MAP3K7CL: variants seen among roughly 807,000 people sequenced by gnomAD.
The protein encoded by MAP3K7CL is MAP3K7 C-terminal like, also known as MAP3K7 C-terminal-like protein.
MAP3K7CL carries 16 observed loss-of-function variants against 18.6 expected under a neutral mutation model. That is an observed-to-expected ratio of 0.86 (90% CI 0.58 to 1.31). The LOEUF is 1.31. Ranked by LOEUF, MAP3K7CL falls within the 50% of genes most tolerant of loss-of-function variation. The pLI, the probability that MAP3K7CL is intolerant of heterozygous loss-of-function variation, is 0.00. For synonymous variants in MAP3K7CL, 65 were observed against 66.8 expected (o/e 0.97, Z 0.13); for missense variants, 163 against 174.4 (o/e 0.93, Z 0.37).
At chr21:29,115,878 C>T (rs180740213) in intron 4 of MAP3K7CL, among the ~76,000 whole-genome samples, 2 of 152,342 alleles carry the variant, frequency 1.3e-5, no homozygotes, top group East Asian at 3.9e-4. Flanking sequence ...CTACCTGACA[C>T]ATATGCAGTC....
chr21:29,132,406 G>A (rs552138819), intron 1 of MAP3K7CL, among the ~76,000 whole-genome samples: 1 of 152,230 alleles, frequency 6.6e-6, no homozygotes, highest in East Asian at 1.9e-4. Context: ...GTTAAGATGT[G>A]CATCCTTAGA....
At chr21:29,150,471 C>T (rs1159730223) in intron 3 of MAP3K7CL, among the ~76,000 whole-genome samples, 1 of 152,180 alleles carries the variant, frequency 6.6e-6, no homozygotes. Flanking sequence ...AGCTTTCCAA[C>T]AGAAAGCTGC....
rs554437999 is a variant in MAP3K7CL, at chr21:29,119,471, G to T, written c.370+26890G>T. Among the ~76,000 whole-genome samples the T allele has an allele frequency of 1.2e-3, 185 of 152,202 alleles. 1 individual carries two copies. Among genetic ancestry groups the T allele is most frequent in the Non-Finnish European group, 2.1e-3 (145 of 68,012 alleles). On this transcript the variant is annotated intron_variant, in intron 4 of 6. Transcript: ENST00000286791. ...TCTTGTGGCTTTCAGACCTGCTTCT[G>T]TGAGGTCTGGCACACAGGGTCACTC...
chr21:29,096,793 G>C (rs189946799), intron 4 of MAP3K7CL, among the ~76,000 whole-genome samples: 1 of 152,112 alleles, frequency 6.6e-6, no homozygotes, highest in South Asian at 2.1e-4. Flanking sequence ...GAAATCATCC[G>C]ATCTATCTCT....
chr21:29,140,423 C>T (rs1221985913), intron 2 of MAP3K7CL, among the ~76,000 whole-genome samples: 1 of 152,184 alleles, frequency 6.6e-6, no homozygotes, highest in African/African-American at 2.4e-5. Context: ...GCTGCAACCC[C>T]ACAGGAAGGT....
rs2086761884 is a variant in MAP3K7CL at position 29,130,671 on chromosome 21, A to C, written c.-292A>C. ...CAACATCCTGGCTGTTAGAGAGGCAAGGAAAGGAGAGAGGGGTTGTGAAGG... is the reference window on the plus strand; with the variant it reads ...CAACATCCTGGCTGTTAGAGAGGCACGGAAAGGAGAGAGGGGTTGTGAAGG... On this transcript the variant is annotated 5_prime_UTR_variant, in exon 1 of 5. Coordinates refer to ENST00000399928, the MANE Select transcript of MAP3K7CL (RefSeq NM_001286620.2). 1.3e-5 allele frequency: 13 copies of C among 985,494 alleles called. No homozygotes were observed. Among genetic ancestry groups the C allele is most frequent in the Non-Finnish European group, 1.6e-5 (13 of 829,974 alleles). The allele number at this position is 985,494 out of a possible 1,614,324, so 61.0% of individuals were successfully genotyped here. A position where few individuals can be genotyped will look rare whatever the true frequency, so the allele number is the denominator to read the frequency against.
chr21:29,105,939 C>G (rs933899497), intron 4 of MAP3K7CL, among the ~76,000 whole-genome samples: 1 of 152,106 alleles, frequency 6.6e-6, no homozygotes, highest in African/African-American at 2.4e-5. Context: ...CTGAAGGTAG[C>G]TCTACAAAAT....
At chr21:29,086,117 G>T (rs2085921619) in intron 1 of MAP3K7CL, among the ~76,000 whole-genome samples, 1 of 152,300 alleles carries the variant, frequency 6.6e-6, no homozygotes, top group South Asian at 2.1e-4. Flanking sequence ...TGGGACACCG[G>T]TTCTTTCCCT....
upstream of MAP3K7CL, among the ~76,000 whole-genome samples, chr21:29,126,891 T>A (rs1441922494): frequency 6.6e-6 from 1 of 152,232 alleles, no homozygotes; most frequent in East Asian, 1.9e-4. Context: ...ATATGTCACA[T>A]AGCAATACAG....
intron 4 of MAP3K7CL, among the ~76,000 whole-genome samples, chr21:29,162,844 A>G (rs2471948): frequency 0.87 from 132,038 of 152,142 alleles, 57,519 homozygotes; most frequent in South Asian, 0.92. Context: ...AGAGGCTCAC[A>G]CCTGTAATCC....
intron 4 of MAP3K7CL, among the ~76,000 whole-genome samples, chr21:29,094,123 CA>C (rs2086079108): frequency 6.6e-6 from 1 of 152,152 alleles, no homozygotes; most frequent in Admixed American, 6.5e-5. Context: ...ATTTTTCCCC[CA>C]GGGGATATTT....
chr21:29,145,036 T>C (rs1386037753), intron 2 of MAP3K7CL, among the ~76,000 whole-genome samples: 1 of 152,232 alleles, frequency 6.6e-6, no homozygotes, highest in African/African-American at 2.4e-5. Context: ...CTTCTTTCCT[T>C]TATATTTCAT....
At chr21:29,167,411 G>A (rs1051672976) in intron 4 of MAP3K7CL, among the ~76,000 whole-genome samples, 2 of 152,114 alleles carry the variant, frequency 1.3e-5, no homozygotes, top group East Asian at 3.8e-4. Context: ...TCTCATCTAG[G>A]GGAACATATC....
intron 4 of MAP3K7CL, among the ~76,000 whole-genome samples, chr21:29,166,937 G>T (rs1366445733): frequency 1.3e-5 from 2 of 152,118 alleles, no homozygotes; most frequent in African/African-American, 4.8e-5. Context: ...TAGAATTGTT[G>T]GCTCATATTA....
chr21:29,110,820 AAT>A (rs2086406315), intron 4 of MAP3K7CL, among the ~76,000 whole-genome samples: 1 of 151,956 alleles, frequency 6.6e-6, no homozygotes, highest in Non-Finnish European at 1.5e-5. Context: ...TTGTTCTCTG[AAT>A]GTTTCTTTTA....
intron 4 of MAP3K7CL, among the ~76,000 whole-genome samples, chr21:29,169,814 A>G (rs912187707): frequency 6.6e-6 from 1 of 152,260 alleles, no homozygotes; most frequent in Non-Finnish European, 1.5e-5. Context: ...CCCTTCCCCT[A>G]TTTGTTTAGT....
At chr21:29,161,068 T>C (rs2087535465) in intron 4 of MAP3K7CL, among the ~76,000 whole-genome samples, 1 of 152,216 alleles carries the variant, frequency 6.6e-6, no homozygotes, top group South Asian at 2.1e-4. Flanking sequence ...CCCAGCACTT[T>C]AGGAGGCCGA....
At chr21:29,114,318 C>G (rs373022759) in intron 4 of MAP3K7CL, among the ~76,000 whole-genome samples, 1 of 130,166 alleles carries the variant, frequency 7.7e-6, no homozygotes, top group Admixed American at 8.0e-5. Context: ...ATCTGCCCAC[C>G]TCGGCATCCC....
Position 29,159,958 on chromosome 21 carries a change from T to A in MAP3K7CL, c.150T>A (p.His50Gln). 6.2e-7 allele frequency: 1 copy of A among 1,613,850 alleles called. No individual in the cohort carries two copies. Among genetic ancestry groups the A allele is most frequent in the East Asian group, 2.2e-5 (1 of 44,864 alleles). The change falls in exon 4 of 5, where the codon CAT (histidine) becomes CAA (glutamine). Residue 50 changes from histidine to glutamine, a missense_variant. Transcript: ENST00000399928. ...TTGTGAAGCCCCTGCCGCCTTGTCA[T>A]GACTCCGAGGAATCCATGGAGGTGT... Reference protein sequence around the residue: ...DQQLQPLPPCHDSEESMEVFK... With the variant: ...DQQLQPLPPCQDSEESMEVFK...
Sources: gnomAD v4.1 joint callset for allele counts (sites outside exome capture counted in the v4.1 genomes callset) on GRCh38, gnomAD v4.1.1 for gene constraint, MANE v1.5 for transcripts, NCBI Gene and HGNC (gene_info 2026-07-23, HGNC 2026-07-21) for gene names.